The following GOLM1 variants were observed in gnomAD, a reference collection of about 807,000 sequenced individuals.
The protein encoded by GOLM1 is golgi membrane protein 1.
Under a neutral mutation model 50.5 loss-of-function variants are expected in GOLM1, and 31 were observed. The observed-to-expected ratio is 0.61, with a 90% CI of 0.46 to 0.83. The LOEUF (loss-of-function observed/expected upper bound fraction) is 0.83, where lower values mean the gene tolerates loss of function less well. Among genes scored for constraint, GOLM1 ranks in the 40% least tolerant of loss-of-function variants. The probability of loss-of-function intolerance (pLI) is 0.00; values close to 1 mark genes in which losing one functional copy is unlikely to be tolerated. For synonymous variants in GOLM1, 178 were observed against 192.8 expected, an observed-to-expected ratio of 0.92 and a Z score of 0.64; for missense variants, 491 against 501.3, an observed-to-expected ratio of 0.98 and a Z score of 0.20.
At chr9:86,060,912 A>AAAAAAAAAG (rs1834142240) in intron 3 of GOLM1, among the ~76,000 whole-genome samples, 3 of 76,486 alleles carry the variant, frequency 3.9e-5, no homozygotes, top group Non-Finnish European at 6.7e-5. Context: ...AAAAAAAAAA[A>AAAAAAAAAG]AAGAAGAAGA....
At position 86,079,323 on chromosome 9, in the gene GOLM1, C is replaced by A. The variant is rs768293658; in HGVS notation, c.-3G>T. On this transcript the variant is annotated 5_prime_UTR_variant, in exon 2 of 10. Coordinates refer to ENST00000388712, the MANE Select transcript of GOLM1 (RefSeq NM_016548.4). ...CGCCCGTTTCCCAAGCCCATCATCT[C>A]AAAATCAGCGCTGAGAATCTGCCAA... is the stretch of plus-strand genomic sequence containing the variant. 1 of 1,582,726 alleles carries A rather than the reference C, an allele frequency of 6.3e-7. No individual in the cohort carries two copies. The highest frequency in any genetic ancestry group is 8.6e-7 in the Non-Finnish European group (1 of 1,165,228).
At chr9:86,076,100 G>A (rs997973608) in intron 3 of GOLM1, among the ~76,000 whole-genome samples, 3 of 152,158 alleles carry the variant, frequency 2.0e-5, no homozygotes, top group Non-Finnish European at 2.9e-5. Context: ...CCACTCCAGA[G>A]AGAGAGGTAC....
intron 1 of GOLM1, among the ~76,000 whole-genome samples, chr9:86,097,130 T>C (rs1835375873): frequency 1.3e-5 from 2 of 151,746 alleles, no homozygotes. Flanking sequence ...AAAGACTCTC[T>C]GGAAATTTAA....
chr9:86,063,804 T>G (rs1311337963), intron 3 of GOLM1, among the ~76,000 whole-genome samples: 1 of 152,162 alleles, frequency 6.6e-6, no homozygotes, highest in Non-Finnish European at 1.5e-5. Context: ...ACGCCAACGC[T>G]CTTTCTAGTG....
At chr9:86,036,280 G>T (rs958647114) in intron 7 of GOLM1, 68 bp downstream of exon 7, 3 of 1,525,290 alleles carry the variant, frequency 2.0e-6, no homozygotes, top group Admixed American at 3.3e-5. Context: ...TCAGCAGCTC[G>T]CTGGGACTGC....
At chr9:86,090,685 G>A (rs528516672) in intron 1 of GOLM1, among the ~76,000 whole-genome samples, 13 of 151,054 alleles carry the variant, frequency 8.6e-5, no homozygotes, top group African/African-American at 2.9e-4. Context: ...CCATTGGGGT[G>A]GAATCCAATG....
intron 1 of GOLM1, among the ~76,000 whole-genome samples, chr9:86,089,488 C>T (rs983877828): frequency 1.6e-4 from 24 of 152,058 alleles, no homozygotes; most frequent in African/African-American, 5.8e-4. Flanking sequence ...CTTGTCTTCA[C>T]GCTTTATTTC....
chr9:86,043,342 T>C (rs1833423174), intron 5 of GOLM1, among the ~76,000 whole-genome samples: 1 of 152,194 alleles, frequency 6.6e-6, no homozygotes, highest in Admixed American at 6.5e-5. Flanking sequence ...AACACTACCT[T>C]GTACATCAGG....
At chr9:86,058,915 T>G (rs1367802760) in intron 3 of GOLM1, among the ~76,000 whole-genome samples, 1 of 152,052 alleles carries the variant, frequency 6.6e-6, no homozygotes, top group Non-Finnish European at 1.5e-5. Flanking sequence ...GGAGAATCGC[T>G]TGAATCCAGG....
At chr9:86,084,756 A>T (rs7048665) in intron 1 of GOLM1, among the ~76,000 whole-genome samples, 36,756 of 152,172 alleles carry the variant, frequency 0.24, 7,546 homozygotes, top group African/African-American at 0.54. Flanking sequence ...ATTTTAAAAA[A>T]TTCCTTCCTT....
intron 1 of GOLM1, among the ~76,000 whole-genome samples, chr9:86,095,843 T>C (rs570567117): frequency 6.6e-5 from 10 of 152,314 alleles, no homozygotes; most frequent in Non-Finnish European, 8.8e-5. Flanking sequence ...CATGAAGTGA[T>C]ATTAGATGTC....
At chr9:86,098,632 AATT>A (rs1421623316) in intron 1 of GOLM1, among the ~76,000 whole-genome samples, 2 of 152,254 alleles carry the variant, frequency 1.3e-5, no homozygotes, top group Non-Finnish European at 2.9e-5. Context: ...CAAATATAAT[AATT>A]CTTAAATTTT....
chr9:86,075,174 G>C (rs906495606), intron 3 of GOLM1, among the ~76,000 whole-genome samples: 2 of 152,164 alleles, frequency 1.3e-5, no homozygotes, highest in African/African-American at 4.8e-5. Context: ...GCCCCGTCTT[G>C]ATCTCTGACT....
chr9:86,091,887 A>T (rs1835196428), intron 1 of GOLM1, among the ~76,000 whole-genome samples: 1 of 152,236 alleles, frequency 6.6e-6, no homozygotes, highest in Non-Finnish European at 1.5e-5. Flanking sequence ...CCAATAAAAA[A>T]TTTATTGAGC....
intron 3 of GOLM1, 109 bp from the exon 4 acceptor site, chr9:86,052,700 C>A: frequency 2.2e-6 from 2 of 913,538 alleles, no homozygotes; most frequent in South Asian, 1.3e-5. Flanking sequence ...GCGCTGCTGT[C>A]AGGGAAGGAG....
At chr9:86,061,567 G>T (rs1834160058) in intron 3 of GOLM1, among the ~76,000 whole-genome samples, 1 of 152,218 alleles carries the variant, frequency 6.6e-6, no homozygotes, top group Admixed American at 6.5e-5. Flanking sequence ...TTTTCTTGAA[G>T]ACCTGAGACT....
At chr9:86,036,253 C>A in intron 7 of GOLM1, 95 bp downstream of exon 7, 1 of 1,304,996 alleles carries the variant, frequency 7.7e-7, no homozygotes, top group Non-Finnish European at 1.1e-6. Flanking sequence ...GCGCCGCTGC[C>A]GGGTTCACTG....
At chr9:86,059,986 T>C (rs111243620) in intron 3 of GOLM1, among the ~76,000 whole-genome samples, 1 of 133,956 alleles carries the variant, frequency 7.5e-6, no homozygotes, top group African/African-American at 3.4e-5. Context: ...CTGAGATGTA[T>C]GATACATTAA....
chr9:86,052,460 T>A (rs527810845), intron 4 of GOLM1, 77 bp downstream of exon 4: 1 of 1,208,906 alleles, frequency 8.3e-7, no homozygotes, highest in Non-Finnish European at 1.2e-6. Flanking sequence ...GAGACCCACC[T>A]GGGCCTAGAG....
Sources: gnomAD v4.1 joint callset for allele counts (sites outside exome capture counted in the v4.1 genomes callset) on GRCh38, gnomAD v4.1.1 for gene constraint, MANE v1.5 for transcripts, NCBI Gene and HGNC (gene_info 2026-07-23, HGNC 2026-07-21) for gene names.